The following MAPK10 variants were observed in gnomAD, a reference collection of about 807,000 sequenced individuals.
The protein encoded by MAPK10 is mitogen-activated protein kinase 10, also known as JNK3 alpha protein kinase.
A neutral mutation model predicts 59.3 loss-of-function variants in MAPK10; 25 were observed. The ratio of observed to expected loss-of-function variants is 0.42; its 90% CI spans 0.31 to 0.59. The LOEUF (loss-of-function observed/expected upper bound fraction) is 0.59, where lower values mean the gene tolerates loss of function less well. MAPK10 is among the 20% of genes least tolerant of loss of function. The pLI is 0.15. For missense variants in MAPK10, 351 were observed against 568.9 expected (o/e 0.62, Z 3.90); for synonymous variants, 190 against 200.5 (o/e 0.95, Z 0.44).
At chr4:86,531,266 G>A (rs934911908) in intron 1 of MAPK10, among the ~76,000 whole-genome samples, 1 of 152,126 alleles carries the variant, frequency 6.6e-6, no homozygotes, top group Non-Finnish European at 1.5e-5. Flanking sequence ...GATTCTATCT[G>A]AGCCTATTAC....
intron 2 of MAPK10, among the ~76,000 whole-genome samples, chr4:86,318,464 G>T (rs1000826374): frequency 6.6e-6 from 1 of 152,074 alleles, no homozygotes; most frequent in Non-Finnish European, 1.5e-5. Context: ...CTGATTTTAG[G>T]CTCTCTTGCC....
chr4:86,533,629 C>T (rs1305949418), intron 1 of MAPK10, among the ~76,000 whole-genome samples: 1 of 152,138 alleles, frequency 6.6e-6, no homozygotes, highest in African/African-American at 2.4e-5. Flanking sequence ...ACAGTCTTCA[C>T]CTCCCAGGAT....
At chr4:86,400,385 C>T (rs540162909) in intron 1 of MAPK10, among the ~76,000 whole-genome samples, 41 of 152,168 alleles carry the variant, frequency 2.7e-4, no homozygotes, top group African/African-American at 9.1e-4. Context: ...ACTATAGTGA[C>T]GTACATGGGA....
intron 2 of MAPK10, among the ~76,000 whole-genome samples, chr4:86,276,124 A>T (rs2094568611): frequency 6.6e-6 from 1 of 151,974 alleles, no homozygotes; most frequent in Admixed American, 6.6e-5. Flanking sequence ...TTTGTGTCCT[A>T]TATTGTTAGT....
intron 1 of MAPK10, among the ~76,000 whole-genome samples, chr4:86,389,063 C>T (rs1741864424): frequency 6.6e-6 from 1 of 152,084 alleles, no homozygotes; most frequent in Admixed American, 6.6e-5. Context: ...GGAGGTGGGA[C>T]CTGGTGGGAG....
chr4:86,393,335 GTT>G (rs112022296), intron 1 of MAPK10, among the ~76,000 whole-genome samples: 16 of 143,518 alleles, frequency 1.1e-4, no homozygotes, highest in African/African-American at 4.1e-4. Context: ...CAATGATCTA[GTT>G]TTTTTTTTTT....
chr4:86,341,600 G>T (rs1026756774), intron 2 of MAPK10, among the ~76,000 whole-genome samples: 1 of 152,002 alleles, frequency 6.6e-6, no homozygotes, highest in Non-Finnish European at 1.5e-5. Flanking sequence ...CTTGCTGGAG[G>T]AAAAGCACAA....
chr4:86,212,202 T>C (rs950666477), intron 2 of MAPK10, among the ~76,000 whole-genome samples: 1 of 152,092 alleles, frequency 6.6e-6, no homozygotes. Flanking sequence ...TATGAGAGAT[T>C]TGCTTTAGAT....
intron 1 of MAPK10, among the ~76,000 whole-genome samples, chr4:86,375,726 A>AG: frequency 6.6e-6 from 1 of 150,844 alleles, no homozygotes; most frequent in Non-Finnish European, 1.5e-5. Flanking sequence ...AAAAAAAAAA[A>AG]AAAAAAAAAA....
chr4:86,221,755 G>A (rs1331676322), intron 2 of MAPK10, among the ~76,000 whole-genome samples: 2 of 152,122 alleles, frequency 1.3e-5, no homozygotes, highest in African/African-American at 2.4e-5. Context: ...CACCCACCTC[G>A]GCTTCCCAAA....
At chr4:86,270,138 C>T (rs1022080524) in intron 2 of MAPK10, among the ~76,000 whole-genome samples, 3 of 151,980 alleles carry the variant, frequency 2.0e-5, no homozygotes, top group African/African-American at 4.8e-5. Flanking sequence ...CTTATTCCAG[C>T]ATCCATTTAA....
At chr4:86,451,337 T>G (rs1750694373) in intron 1 of MAPK10, among the ~76,000 whole-genome samples, 1 of 152,030 alleles carries the variant, frequency 6.6e-6, no homozygotes, top group Non-Finnish European at 1.5e-5. Context: ...TTAAATAGAG[T>G]AAAATATATA....
intron 1 of MAPK10, among the ~76,000 whole-genome samples, chr4:86,415,477 T>C (rs1437790027): frequency 6.6e-6 from 1 of 152,206 alleles, no homozygotes; most frequent in Non-Finnish European, 1.5e-5. Context: ...ATTGTGAATC[T>C]CTGATGCTTT....
chr4:86,372,564 G>GGAAAAGAAAAGA (rs1554253763), intron 1 of MAPK10, among the ~76,000 whole-genome samples: 61 of 78,716 alleles, frequency 7.7e-4, no homozygotes, highest in African/African-American at 9.3e-4. Context: ...AAGAAAGAAA[G>GGAAAAGAAAAGA]AAAGAAAAGA....
intron 11 of MAPK10, among the ~76,000 whole-genome samples, chr4:86,062,989 G>A (rs2046010302): frequency 6.6e-6 from 1 of 152,112 alleles, no homozygotes; most frequent in South Asian, 2.1e-4. Flanking sequence ...TTAACTTGAG[G>A]CAACATGAAA....
rs115269910 is a variant in MAPK10, at chr4:86,098,851, C to T, written c.731-256G>A. The T allele has an allele frequency of 6.4e-3, 2,353 of 367,864 alleles. 55 individuals carry two copies. The highest frequency in any genetic ancestry group is 0.044 in the African/African-American group (2,178 of 49,254). The allele number at this position is 367,864 out of a possible 1,614,324, so 22.8% of individuals were successfully genotyped here. A position where few individuals can be genotyped will look rare whatever the true frequency, so the allele number is the denominator to read the frequency against. ...CTTACATTGCCTCTCAGCAGTGCCA[C>T]AAAGTGGTGACATTGGTGACTGAGA... On this transcript the variant is annotated intron_variant, in intron 8 of 13. Transcript: ENST00000641462.
chr4:86,347,460 C>T (rs1178318724), intron 2 of MAPK10, among the ~76,000 whole-genome samples: 1 of 152,160 alleles, frequency 6.6e-6, no homozygotes, highest in African/African-American at 2.4e-5. Context: ...AACTCTCAAA[C>T]AGTGACAGCC....
intron 1 of MAPK10, among the ~76,000 whole-genome samples, chr4:86,543,427 C>T (rs1565012925): frequency 2.0e-5 from 3 of 152,078 alleles, no homozygotes; most frequent in African/African-American, 4.8e-5. Context: ...ACTTCCCATA[C>T]ACCAGAGTGA....
At chr4:86,319,835 A>G (rs2095856012) in intron 2 of MAPK10, among the ~76,000 whole-genome samples, 1 of 152,164 alleles carries the variant, frequency 6.6e-6, no homozygotes, top group South Asian at 2.1e-4. Context: ...GGGATACCTG[A>G]TTTGCCTTCA....
Sources: gnomAD v4.1 joint callset for allele counts (sites outside exome capture counted in the v4.1 genomes callset) on GRCh38, gnomAD v4.1.1 for gene constraint, MANE v1.5 for transcripts, NCBI Gene and HGNC (gene_info 2026-07-23, HGNC 2026-07-21) for gene names.